The following EXOC6B variants were observed in gnomAD, a reference collection of about 807,000 sequenced individuals.
The protein encoded by EXOC6B is exocyst complex component 6B, also known as SEC15 homolog B.
In EXOC6B, 54 loss-of-function variants were observed where a neutral mutation model predicts 113.5. That is an observed-to-expected ratio of 0.48 (90% CI 0.38 to 0.60). EXOC6B has a LOEUF of 0.60. EXOC6B is among the 20% of genes least tolerant of loss of function. The pLI is 0.00. For missense variants in EXOC6B, 797 were observed against 977.5 expected, an observed-to-expected ratio of 0.82 and a Z score of 2.46; for synonymous variants, 357 against 339.0, an observed-to-expected ratio of 1.05 and a Z score of -0.58.
At position 72,553,427 on chromosome 2, in the gene EXOC6B, T is replaced by C. The variant is rs192584706; in HGVS notation, c.915+6026A>G. On this transcript the variant is annotated intron_variant, in intron 8 of 21. Coordinates refer to ENST00000272427, the MANE Select transcript of EXOC6B (RefSeq NM_015189.3). ...CAAATCAAAATTCTAGAAGGACTTT[T>C]TGAATAATCTCAAACTTACTATAAC... is the stretch of plus-strand genomic sequence containing the variant. 3.3e-5 allele frequency among the ~76,000 whole-genome samples: 5 copies of C among 152,168 alleles called. No homozygotes were observed. In the East Asian group the frequency reaches 7.7e-4, roughly 23 times the overall value.
intron 1 of EXOC6B, among the ~76,000 whole-genome samples, chr2:72,801,134 T>A (rs188912534): frequency 1.7e-3 from 254 of 152,322 alleles, no homozygotes; most frequent in Non-Finnish European, 2.8e-3. Flanking sequence ...AGCCCCTTGT[T>A]ATCTGCAGAA....
intron 11 of EXOC6B, among the ~76,000 whole-genome samples, chr2:72,504,407 T>C (rs1045607138): frequency 1.3e-5 from 2 of 152,220 alleles, no homozygotes; most frequent in Admixed American, 6.5e-5. Context: ...ATAAGCCATA[T>C]GTATAATTTT....
chr2:72,530,871 C>T (rs1478157687), intron 8 of EXOC6B, among the ~76,000 whole-genome samples: 1 of 152,050 alleles, frequency 6.6e-6, no homozygotes, highest in African/African-American at 2.4e-5. Flanking sequence ...ATGTCTACTT[C>T]ATTTTATATT....
intron 20 of EXOC6B, among the ~76,000 whole-genome samples, chr2:72,298,619 G>A (rs1686301886): frequency 1.3e-5 from 2 of 152,166 alleles, no homozygotes; most frequent in African/African-American, 4.8e-5. Context: ...TGCAGTGGCT[G>A]GTACCAGTTG....
At chr2:72,218,492 A>G (rs1465909489) in intron 20 of EXOC6B, among the ~76,000 whole-genome samples, 1 of 152,196 alleles carries the variant, frequency 6.6e-6, no homozygotes, top group South Asian at 2.1e-4. Context: ...ACTTTAATTA[A>G]CCAACTTAAC....
At chr2:72,628,115 T>C (rs760369857) in intron 6 of EXOC6B, among the ~76,000 whole-genome samples, 1 of 152,062 alleles carries the variant, frequency 6.6e-6, no homozygotes, top group Non-Finnish European at 1.5e-5. Flanking sequence ...AATGATTTTG[T>C]AGAAAATTAT....
At chr2:72,427,596 C>T (rs1282773430) in intron 18 of EXOC6B, among the ~76,000 whole-genome samples, 1 of 152,218 alleles carries the variant, frequency 6.6e-6, no homozygotes, top group African/African-American at 2.4e-5. Flanking sequence ...CACCAACAAG[C>T]ATTGTGGGGA....
intron 8 of EXOC6B, among the ~76,000 whole-genome samples, chr2:72,533,513 C>T (rs770209240): frequency 2.6e-5 from 4 of 152,216 alleles, no homozygotes; most frequent in Admixed American, 6.5e-5. Context: ...CACTCCCAAT[C>T]TTTGAAGCAA....
At chr2:72,500,748 T>C (rs1256454015) in intron 11 of EXOC6B, among the ~76,000 whole-genome samples, 2 of 152,200 alleles carry the variant, frequency 1.3e-5, no homozygotes, top group African/African-American at 2.4e-5. Context: ...GTGTATGTCA[T>C]TATTGTAAAA....
intron 1 of EXOC6B, among the ~76,000 whole-genome samples, chr2:72,814,104 T>C (rs940647959): frequency 6.6e-6 from 1 of 152,182 alleles, no homozygotes; most frequent in Admixed American, 6.5e-5. Flanking sequence ...AGTCACAGAA[T>C]CTGTCATGTT....
intron 5 of EXOC6B, among the ~76,000 whole-genome samples, chr2:72,722,545 T>C (rs1262096595): frequency 6.6e-6 from 1 of 152,164 alleles, no homozygotes; most frequent in African/African-American, 2.4e-5. Context: ...GGGAAGAAAG[T>C]TTTATTCCCC....
chr2:72,348,537 T>C (rs1393088165), intron 19 of EXOC6B, among the ~76,000 whole-genome samples: 1 of 152,160 alleles, frequency 6.6e-6, no homozygotes, highest in Admixed American at 6.6e-5. Context: ...ATCTAATTTA[T>C]TCATTTTTCA....
chr2:72,611,762 AAACT>A (rs2104093639), intron 6 of EXOC6B, among the ~76,000 whole-genome samples: 1 of 152,358 alleles, frequency 6.6e-6, no homozygotes, highest in South Asian at 2.1e-4. Flanking sequence ...GTTGGTAAAC[AAACT>A]AAGGTACAAC....
chr2:72,486,368 CAAA>C (rs761621153), intron 16 of EXOC6B, among the ~76,000 whole-genome samples: 1 of 117,298 alleles, frequency 8.5e-6, no homozygotes, highest in Admixed American at 9.0e-5. Context: ...GACTCCATCT[CAAA>C]AAAAAAAAAA....
intron 18 of EXOC6B, among the ~76,000 whole-genome samples, chr2:72,459,529 A>G (rs1697486390): frequency 6.6e-6 from 1 of 152,128 alleles, no homozygotes; most frequent in Non-Finnish European, 1.5e-5. Flanking sequence ...AAATCAATGT[A>G]CAAAAGTCAC....
At chr2:72,258,438 A>G (rs563370153) in intron 20 of EXOC6B, among the ~76,000 whole-genome samples, 2 of 142,864 alleles carry the variant, frequency 1.4e-5, no homozygotes, top group Non-Finnish European at 3.0e-5. Flanking sequence ...ATCATGGCTC[A>G]CTGCAGCATT....
intron 1 of EXOC6B, among the ~76,000 whole-genome samples, chr2:72,775,095 C>T (rs1264850812): frequency 1.3e-5 from 2 of 152,092 alleles, no homozygotes; most frequent in African/African-American, 4.8e-5. Flanking sequence ...TGCCACCTTC[C>T]CAGCAACTCA....
chr2:72,272,505 G>A (rs1684554286), intron 20 of EXOC6B, among the ~76,000 whole-genome samples: 1 of 152,092 alleles, frequency 6.6e-6, no homozygotes, highest in Non-Finnish European at 1.5e-5. Flanking sequence ...TCACTGCATT[G>A]ACCTGTACCT....
rs148189153 is a variant in EXOC6B at position 72,611,765 on chromosome 2, C to G, written c.670-36097G>C. 9.2e-5 allele frequency among the ~76,000 whole-genome samples: 14 copies of G among 152,056 alleles called. No homozygotes were observed. In the East Asian group the frequency reaches 2.3e-3, roughly 25 times the overall value. ...AACAGTAGGAGAGTTGGTAAACAAA[C>G]TAAGGTACAACTACATCATGGGACA... is the stretch of plus-strand genomic sequence containing the variant. On this transcript the variant is annotated intron_variant, in intron 6 of 21. Transcript: ENST00000272427.
Sources: allele counts gnomAD v4.1 joint callset (sites outside exome capture counted in the v4.1 genomes callset), GRCh38; gene constraint gnomAD v4.1.1; transcripts MANE v1.5; gene names NCBI Gene and HGNC (gene_info 2026-07-23, HGNC 2026-07-21).